CBLN2: variants seen among roughly 807,000 people sequenced by gnomAD.
CBLN2 encodes cerebellin 2 precursor, also known as cerebellin-2.
In CBLN2, 7 loss-of-function variants were observed where a neutral mutation model predicts 15.0. That is an observed-to-expected ratio of 0.47 (90% CI 0.27 to 0.88). The LOEUF is 0.88. Among genes scored for constraint, CBLN2 ranks in the 40% least tolerant of loss-of-function variants. The pLI, the probability that CBLN2 is intolerant of heterozygous loss-of-function variation, is 0.14. For synonymous variants in CBLN2, 149 were observed against 135.2 expected, an observed-to-expected ratio of 1.10 and a Z score of -0.71; for missense variants, 242 against 304.5, an observed-to-expected ratio of 0.79 and a Z score of 1.53.
In CBLN2 at chr18:72,638,109, C is replaced by T. The variant is rs568559953; in HGVS notation, c.15+216G>A. On this transcript the variant is annotated intron_variant, in intron 1 of 2. Coordinates refer to the CBLN2 transcript ENST00000581073. ...ATCGTACATGTAAGAAAATGAAACG[C>T]CCACTGAAATAATTGGTTTGCAAAA... 2.0e-5 allele frequency among the ~76,000 whole-genome samples: 3 copies of T among 152,272 alleles called. No homozygotes were observed. The South Asian group carries it at 6.2e-4, about 32-fold the overall frequency.
intron 1 of CBLN2, among the ~76,000 whole-genome samples, chr18:72,573,130 G>C (rs1172637844): frequency 6.6e-6 from 1 of 152,122 alleles, no homozygotes; most frequent in Non-Finnish European, 1.5e-5. Context: ...GTAAAACTCA[G>C]GGCAAACACA....
At chr18:72,594,886 A>G (rs1183596273) in intron 1 of CBLN2, among the ~76,000 whole-genome samples, 1 of 151,902 alleles carries the variant, frequency 6.6e-6, no homozygotes, top group Non-Finnish European at 1.5e-5. Flanking sequence ...TCCTTTATCC[A>G]TACTGATTTT....
chr18:72,538,261 T>G lies in CBLN2; in HGVS notation c.590A>C (p.Lys197Thr). ...GVLLLMERED[K>T]VHLKLERGNL... ...GCCTCTCTCAAGTTTGAGATGCACTTTGTCTTCCCTTTCCATGAGCAGCAG... is the reference window on the plus strand; with the variant it reads ...GCCTCTCTCAAGTTTGAGATGCACTGTGTCTTCCCTTTCCATGAGCAGCAG... The change falls in exon 5 of 5, where the codon AAA becomes ACA. Residue 197 changes from lysine to threonine, a missense_variant. Lys to Thr is a moderately conservative substitution (Grantham distance 78). Transcript: ENST00000269503. 2.5e-6 allele frequency: 4 copies of G among 1,614,096 alleles called. No individual in the cohort carries two copies. Among genetic ancestry groups the G allele is most frequent in the Non-Finnish European group, 3.4e-6 (4 of 1,180,014 alleles).
At chr18:72,618,806 T>C in intron 1 of CBLN2, 2 of 740,354 alleles carry the variant, frequency 2.7e-6, no homozygotes, top group Non-Finnish European at 4.9e-6. Flanking sequence ...AGGAAAGCCC[T>C]GTCAAAGCAA....
chr18:72,580,180 G>GA (rs1171020834), intron 1 of CBLN2, among the ~76,000 whole-genome samples: 6 of 152,000 alleles, frequency 3.9e-5, no homozygotes, highest in African/African-American at 1.4e-4. Context: ...ATTTTTATAT[G>GA]AAAAATGACT....
intron 1 of CBLN2, among the ~76,000 whole-genome samples, chr18:72,614,884 A>G (rs2069646489): frequency 1.3e-5 from 2 of 151,272 alleles, no homozygotes; most frequent in East Asian, 3.9e-4. Context: ...AGTAATAAAG[A>G]CTTCATTTAA....
At chr18:72,598,925 G>A (rs941348406) in intron 1 of CBLN2, among the ~76,000 whole-genome samples, 7 of 152,168 alleles carry the variant, frequency 4.6e-5, no homozygotes, top group African/African-American at 7.2e-5. Flanking sequence ...CACTTTCGGG[G>A]AATGAGAGAA....
At chr18:72,557,415 G>A (rs544791610) in intron 1 of CBLN2, among the ~76,000 whole-genome samples, 11 of 152,246 alleles carry the variant, frequency 7.2e-5, no homozygotes, top group African/African-American at 2.6e-4. Context: ...GGATTGCTGA[G>A]TCAAATGGTA....
chr18:72,586,212 C>T (rs2069442098), intron 1 of CBLN2, among the ~76,000 whole-genome samples: 1 of 152,224 alleles, frequency 6.6e-6, no homozygotes, highest in African/African-American at 2.4e-5. Context: ...GGCAGCAGTG[C>T]TCCAGATGGG....
intron 1 of CBLN2, among the ~76,000 whole-genome samples, chr18:72,579,419 G>A (rs1391113779): frequency 6.6e-6 from 1 of 152,086 alleles, no homozygotes; most frequent in African/African-American, 2.4e-5. Flanking sequence ...AAAACAGAAT[G>A]TATTATTGAG....
At chr18:72,589,208 G>A (rs984804326) in intron 1 of CBLN2, among the ~76,000 whole-genome samples, 3 of 152,102 alleles carry the variant, frequency 2.0e-5, no homozygotes, top group Non-Finnish European at 4.4e-5. Context: ...GTAATAATTG[G>A]GGAGTAAAAT....
At chr18:72,589,045 T>G (rs2069460974) in intron 1 of CBLN2, among the ~76,000 whole-genome samples, 1 of 152,154 alleles carries the variant, frequency 6.6e-6, no homozygotes, top group Non-Finnish European at 1.5e-5. Flanking sequence ...GGTCAGATGT[T>G]GATTTTGCAT....
rs1598985571 is a variant in CBLN2 at position 72,537,977 on chromosome 18, C to A, written c.*199G>T. ...CTTGTCATCTAAAACTAATTAGAGG[C>A]CAGGTTCCCGAGGAATTGTCAGTAT... On this transcript the variant is annotated 3_prime_UTR_variant, in exon 5 of 5. Transcript: ENST00000269503. 4 of 602,904 alleles carry A rather than the reference C, an allele frequency of 6.6e-6. No homozygotes were observed. The East Asian group carries it at 1.1e-4, about 17-fold the overall frequency. 37.3% of individuals were successfully genotyped at this position (602,904 alleles called of 1,614,324 possible). A position where few individuals can be genotyped will look rare whatever the true frequency, so the allele number is the denominator to read the frequency against.
At chr18:72,575,203 G>A (rs2069357119) in intron 1 of CBLN2, among the ~76,000 whole-genome samples, 1 of 152,156 alleles carries the variant, frequency 6.6e-6, no homozygotes, top group African/African-American at 2.4e-5. Context: ...CTGAGACAAT[G>A]GAGGGTCTGG....
Position 72,542,243 on chromosome 18 carries a change from G to T in CBLN2, c.-83C>A, listed in dbSNP as rs2069121088. 7 of 933,130 alleles carry T rather than the reference G, an allele frequency of 7.5e-6. No homozygotes were observed. In the South Asian group the frequency reaches 3.2e-4, roughly 43 times the overall value. 57.8% of individuals were successfully genotyped at this position (933,130 alleles called of 1,614,324 possible). A position where few individuals can be genotyped will look rare whatever the true frequency, so the allele number is the denominator to read the frequency against. The stretch of plus-strand genomic sequence containing the variant: ...GGAAGGGCGCGAAGGAACGCGCGGA[G>T]CTCGCAGCAGCCTCCGGGGGCCTTC... On this transcript the variant is annotated 5_prime_UTR_variant, in exon 3 of 5. Transcript: ENST00000269503.
intron 1 of CBLN2, among the ~76,000 whole-genome samples, chr18:72,612,262 T>A (rs1432384246): frequency 1.3e-5 from 2 of 152,186 alleles, no homozygotes; most frequent in Non-Finnish European, 2.9e-5. Context: ...AATAGTTTTT[T>A]TCTAGTTTGA....
intron 3 of CBLN2, among the ~76,000 whole-genome samples, chr18:72,541,005 G>A (rs971387227): frequency 2.0e-5 from 3 of 152,182 alleles, no homozygotes; most frequent in South Asian, 2.1e-4. Context: ...ACAAAAAGAA[G>A]GTCATAGCCT....
intron 1 of CBLN2, among the ~76,000 whole-genome samples, chr18:72,608,468 A>T (rs2069599418): frequency 6.6e-6 from 1 of 152,298 alleles, no homozygotes; most frequent in Non-Finnish European, 1.5e-5. Flanking sequence ...ACCTGGGTGC[A>T]CTTAAACCTT....
intron 1 of CBLN2, among the ~76,000 whole-genome samples, chr18:72,633,313 C>T (rs1341409595): frequency 6.6e-6 from 1 of 152,138 alleles, no homozygotes; most frequent in Non-Finnish European, 1.5e-5. Flanking sequence ...TGCATGTCTA[C>T]GTTTATAGGA....
Sources: gnomAD v4.1 joint callset for allele counts (sites outside exome capture counted in the v4.1 genomes callset) on GRCh38, gnomAD v4.1.1 for gene constraint, MANE v1.5 for transcripts, NCBI Gene and HGNC (gene_info 2026-07-23, HGNC 2026-07-21) for gene names.